Variants in MB21D2 observed in about 807,000 individuals in gnomAD.
MB21D2 encodes the protein Mab-21 domain containing 2, also known as nucleotidyltransferase MB21D2.
In MB21D2, 9 loss-of-function variants were observed where a neutral mutation model predicts 33.3. The observed-to-expected ratio is 0.27, with a 90% confidence interval of 0.16 to 0.47. The LOEUF is 0.47. Among genes scored for constraint, MB21D2 ranks in the 20% least tolerant of loss-of-function variants. The pLI is 0.99. For synonymous variants in MB21D2, 241 were observed against 236.3 expected (o/e 1.02, Z -0.18); for missense variants, 540 against 624.6 (o/e 0.86, Z 1.44).
In MB21D2 at chr3:192,840,717, T is replaced by C. The variant is rs564882478; in HGVS notation, c.212-41067A>G. Among the ~76,000 whole-genome samples, 8 of 152,238 alleles carry C rather than the reference T, an allele frequency of 5.3e-5. No homozygotes were observed. In the South Asian group the frequency reaches 8.3e-4, roughly 16 times the overall value. ...GGGCCTCTTAAGCTCCCTTGATCAG[T>C]AGAACAGTCAGATAAATCAGAGGCT... On this transcript the variant is annotated intron_variant, in intron 1 of 1. Coordinates refer to ENST00000392452, the MANE Select transcript of MB21D2 (RefSeq NM_178496.4).
At chr3:192,825,908 T>G (rs1176684506) in intron 1 of MB21D2, among the ~76,000 whole-genome samples, 1 of 152,228 alleles carries the variant, frequency 6.6e-6, no homozygotes, top group Non-Finnish European at 1.5e-5. Context: ...TTCCAATGGT[T>G]CAGTAATTGC....
intron 1 of MB21D2, among the ~76,000 whole-genome samples, chr3:192,829,295 G>A (rs1712261734): frequency 6.6e-6 from 1 of 152,076 alleles, no homozygotes; most frequent in Non-Finnish European, 1.5e-5. Flanking sequence ...ACCGTTTTCT[G>A]GGTTTTTGCT....
intron 1 of MB21D2, among the ~76,000 whole-genome samples, chr3:192,820,596 G>A (rs969185532): frequency 2.0e-5 from 3 of 152,220 alleles, no homozygotes; most frequent in Non-Finnish European, 4.4e-5. Context: ...TGATGAAAGC[G>A]TCTGCGTAGC....
intron 1 of MB21D2, among the ~76,000 whole-genome samples, chr3:192,904,387 G>A (rs1170690889): frequency 6.6e-6 from 1 of 152,138 alleles, no homozygotes; most frequent in Non-Finnish European, 1.5e-5. Context: ...GCAGTGTTCT[G>A]TTTGACCTAC....
At chr3:192,917,528 G>C (rs1714495728) in intron 1 of MB21D2, 102 bp downstream of exon 1, 22 of 1,285,762 alleles carry the variant, frequency 1.7e-5, no homozygotes, top group Non-Finnish European at 2.3e-5. Context: ...GCTCGGGAAG[G>C]CAACCCAGAA....
intron 1 of MB21D2, among the ~76,000 whole-genome samples, chr3:192,861,440 C>A (rs1179035129): frequency 6.6e-6 from 1 of 152,220 alleles, no homozygotes; most frequent in Non-Finnish European, 1.5e-5. Flanking sequence ...CCATAGCTAT[C>A]CCCAAATTAC....
At chr3:192,857,999 C>A (rs1712955829) in intron 1 of MB21D2, among the ~76,000 whole-genome samples, 1 of 152,096 alleles carries the variant, frequency 6.6e-6, no homozygotes, top group Admixed American at 6.5e-5. Context: ...GTGGTGCATG[C>A]CTGTAATCCC....
At chr3:192,858,030 C>T (rs1238874253) in intron 1 of MB21D2, among the ~76,000 whole-genome samples, 2 of 152,056 alleles carry the variant, frequency 1.3e-5, no homozygotes, top group Non-Finnish European at 2.9e-5. Flanking sequence ...GAGGCTGAGG[C>T]AGGAAAATCG....
chr3:192,857,092 A>G (rs941693020), intron 1 of MB21D2, among the ~76,000 whole-genome samples: 1 of 152,202 alleles, frequency 6.6e-6, no homozygotes, highest in Non-Finnish European at 1.5e-5. Flanking sequence ...AGAGACTTAA[A>G]GGTAGAAAAA....
chr3:192,906,304 A>G (rs1714214428), intron 1 of MB21D2, among the ~76,000 whole-genome samples: 1 of 152,190 alleles, frequency 6.6e-6, no homozygotes, highest in African/African-American at 2.4e-5. Context: ...GGAGTCTAGC[A>G]AAAGTGTGGT....
At chr3:192,806,488 G>T (rs1711663459) in intron 1 of MB21D2, among the ~76,000 whole-genome samples, 1 of 152,140 alleles carries the variant, frequency 6.6e-6, no homozygotes, top group African/African-American at 2.4e-5. Context: ...TTGTTCAAGG[G>T]TCAACCGTGA....
intron 1 of MB21D2, among the ~76,000 whole-genome samples, chr3:192,882,594 C>T (rs535996009): frequency 1.3e-5 from 2 of 152,124 alleles, no homozygotes; most frequent in African/African-American, 4.8e-5. Flanking sequence ...TGACTGTTTA[C>T]CATTGGTTAT....
intron 1 of MB21D2, among the ~76,000 whole-genome samples, chr3:192,838,969 A>G (rs1712511154): frequency 1.3e-5 from 2 of 152,182 alleles, no homozygotes; most frequent in Admixed American, 1.3e-4. Context: ...ACAAGTCAAA[A>G]AAGCCTGGGT....
chr3:192,829,938 G>A (rs1194045180), intron 1 of MB21D2, among the ~76,000 whole-genome samples: 1 of 152,150 alleles, frequency 6.6e-6, no homozygotes, highest in Non-Finnish European at 1.5e-5. Context: ...ATGTTGCTCA[G>A]GCTAGTCTTG....
intron 1 of MB21D2, among the ~76,000 whole-genome samples, chr3:192,863,826 G>A (rs759615378): frequency 1.3e-5 from 2 of 152,168 alleles, no homozygotes; most frequent in African/African-American, 2.4e-5. Context: ...AACAACAGCT[G>A]TCTGTGAACC....
rs1029865934 is a variant in MB21D2 at position 192,797,243 on chromosome 3, A to G, written c.*1143T>C. The G allele has an allele frequency of 6.6e-6, 1 of 152,656 alleles. No homozygotes were observed. Among genetic ancestry groups the G allele is most frequent in the Admixed American group, 6.5e-5 (1 of 15,292 alleles). 9.5% of individuals were successfully genotyped at this position (152,656 alleles called of 1,614,324 possible). A position where few individuals can be genotyped will look rare whatever the true frequency, so the allele number is the denominator to read the frequency against. The stretch of plus-strand genomic sequence containing the variant: ...ATACCTGCTTTTGAACAGACGTGGT[A>G]TCTTCTATTTGGGGATTATAAGTTC... On this transcript the variant is annotated 3_prime_UTR_variant, in exon 2 of 2. Coordinates refer to ENST00000392452, the MANE Select transcript of MB21D2 (RefSeq NM_178496.4).
At position 192,796,967 on chromosome 3, in the gene MB21D2, T is replaced by C. The variant is rs1322559813; in HGVS notation, c.*1419A>G. The C allele has an allele frequency of 6.6e-6, 1 of 152,616 alleles. No homozygotes were observed. The highest frequency in any genetic ancestry group is 1.5e-5 in the Non-Finnish European group (1 of 68,024). 9.5% of individuals were successfully genotyped at this position (152,616 alleles called of 1,614,324 possible). The stretch of plus-strand genomic sequence containing the variant: ...ATTTCAATTGGCCAAAATCCAACCC[T>C]TGAGTTTGGACATTCAAGACCAAAA... On this transcript the variant is annotated 3_prime_UTR_variant, in exon 2 of 2. Transcript: ENST00000392452.
chr3:192,910,528 T>A (rs1714330958), intron 1 of MB21D2, among the ~76,000 whole-genome samples: 1 of 152,102 alleles, frequency 6.6e-6, no homozygotes, highest in Admixed American at 6.6e-5. Flanking sequence ...TAGAAATGCA[T>A]CTTCTTTGGA....
rs1450699830 is a variant in MB21D2 at position 192,814,688 on chromosome 3, C to T, written c.212-15038G>A. The stretch of plus-strand genomic sequence containing the variant: ...CCATCCTGGCTAACACGGTGAAACC[C>T]TGTCTCTACTAAAAAAAATACAAAA... On this transcript the variant is annotated intron_variant, in intron 1 of 1. Coordinates refer to ENST00000392452, the MANE Select transcript of MB21D2 (RefSeq NM_178496.4). 2.7e-5 allele frequency among the ~76,000 whole-genome samples: 4 copies of T among 150,118 alleles called. No homozygotes were observed. In the South Asian group the frequency reaches 6.2e-4, roughly 23 times the overall value.
Sources: allele counts gnomAD v4.1 joint callset (sites outside exome capture counted in the v4.1 genomes callset), GRCh38; gene constraint gnomAD v4.1.1; transcripts MANE v1.5; gene names NCBI Gene and HGNC (gene_info 2026-07-23, HGNC 2026-07-21).